Variants in TNKS observed in about 807,000 individuals in gnomAD.
The protein encoded by TNKS is poly [ADP-ribose] polymerase tankyrase-1.
A neutral mutation model predicts 135.8 loss-of-function variants in TNKS; 72 were observed. The ratio of observed to expected loss-of-function variants is 0.53; its 90% CI spans 0.44 to 0.64. TNKS has a LOEUF of 0.64. TNKS is among the 30% of genes least tolerant of loss of function. The probability of loss-of-function intolerance (pLI) is 0.00; values close to 1 mark genes in which losing one functional copy is unlikely to be tolerated. For synonymous variants in TNKS, 849 were observed against 649.3 expected (o/e 1.31, Z -4.68); for missense variants, 1,769 against 1,674.0 (o/e 1.06, Z -0.99).
At chr8:9,657,607 C>T (rs1313759541) in intron 3 of TNKS, among the ~76,000 whole-genome samples, 3 of 88,160 alleles carry the variant, frequency 3.4e-5, no homozygotes, top group Non-Finnish European at 7.3e-5. Flanking sequence ...GAGGGCTGAC[C>T]CCCCTACCTC....
chr8:9,733,221 G>T, intron 14 of TNKS, 58 bp from the exon 15 acceptor site: 1 of 1,476,332 alleles, frequency 6.8e-7, no homozygotes, highest in Non-Finnish European at 9.1e-7. Context: ...TTTATTATAA[G>T]AATCATTGTA....
chr8:9,615,013 TC>T (rs1203305311), intron 2 of TNKS, among the ~76,000 whole-genome samples: 1 of 152,188 alleles, frequency 6.6e-6, no homozygotes, highest in Non-Finnish European at 1.5e-5. Flanking sequence ...AAGAGGCAGT[TC>T]CTTTTTGCAG....
chr8:9,621,118 T>C (rs975981649), intron 3 of TNKS, among the ~76,000 whole-genome samples: 1 of 152,248 alleles, frequency 6.6e-6, no homozygotes, highest in Non-Finnish European at 1.5e-5. Flanking sequence ...TATAGTCCTA[T>C]ACATTTCTTA....
At chr8:9,687,620 A>G (rs887492916) in intron 5 of TNKS, among the ~76,000 whole-genome samples, 2 of 152,210 alleles carry the variant, frequency 1.3e-5, no homozygotes, top group Non-Finnish European at 2.9e-5. Flanking sequence ...AATTTTTAGT[A>G]GAAGGGGACC....
chr8:9,731,479 A>C lies in TNKS; in HGVS notation c.2147+444A>C, dbSNP rs1237019061. ...CCATCTCAAAAAAAAAAAAAAAAAA[A>C]AAAAACATAGAAATGTACAGTATAG... On this transcript the variant is annotated intron_variant, in intron 14 of 26. Transcript: ENST00000310430. Among the ~76,000 whole-genome samples, 3 of 150,402 alleles carry C rather than the reference A, an allele frequency of 2.0e-5. No individual in the cohort carries two copies. In the South Asian group the frequency reaches 6.2e-4, roughly 31 times the overall value.
chr8:9,730,441 C>G (rs954049771), intron 13 of TNKS, among the ~76,000 whole-genome samples: 3 of 152,104 alleles, frequency 2.0e-5, no homozygotes, highest in African/African-American at 4.8e-5. Context: ...AAATAATTCT[C>G]CAGACCCTTT....
At chr8:9,701,828 G>C (rs1043686654) in intron 5 of TNKS, among the ~76,000 whole-genome samples, 1 of 152,144 alleles carries the variant, frequency 6.6e-6, no homozygotes, top group Non-Finnish European at 1.5e-5. Flanking sequence ...AAGGCAGTGG[G>C]CCAGGAAAGG....
chr8:9,745,714 T>G (rs1356544553), intron 17 of TNKS, among the ~76,000 whole-genome samples: 2 of 152,100 alleles, frequency 1.3e-5, no homozygotes, highest in African/African-American at 4.8e-5. Flanking sequence ...CTATTTTTTG[T>G]TTTTGGGGGC....
chr8:9,605,277 T>C (rs1040999896), intron 2 of TNKS, among the ~76,000 whole-genome samples: 13 of 152,104 alleles, frequency 8.5e-5, no homozygotes, highest in Non-Finnish European at 1.6e-4. Flanking sequence ...GTCTGGCTTC[T>C]TTTGCTCATC....
intron 2 of TNKS, among the ~76,000 whole-genome samples, chr8:9,608,428 A>G (rs1799318016): frequency 6.6e-6 from 1 of 151,962 alleles, no homozygotes; most frequent in South Asian, 2.1e-4. Flanking sequence ...TGTGTTAACA[A>G]GGCGATTTTT....
chr8:9,764,950 C>G (rs960499147), intron 23 of TNKS, among the ~76,000 whole-genome samples, 160 bp downstream of exon 23: 6 of 152,232 alleles, frequency 3.9e-5, no homozygotes, highest in Non-Finnish European at 7.3e-5. Flanking sequence ...TACAATATCT[C>G]TAACTCCCCA....
chr8:9,765,139 A>G (rs553702276), intron 23 of TNKS, among the ~76,000 whole-genome samples: 1 of 152,344 alleles, frequency 6.6e-6, no homozygotes, highest in East Asian at 1.9e-4. Flanking sequence ...AAAGTCCTGG[A>G]TCTTCAATCT....
At chr8:9,649,485 T>A (rs10903316) in intron 3 of TNKS, among the ~76,000 whole-genome samples, 148,254 of 152,260 alleles carry the variant, frequency 0.97, 72,292 homozygotes, top group East Asian at 1. Context: ...TTTAATTTTT[T>A]TTTCAATTGT....
chr8:9,682,269 C>T (rs1428227100), intron 5 of TNKS, among the ~76,000 whole-genome samples: 2 of 152,104 alleles, frequency 1.3e-5, no homozygotes, highest in Non-Finnish European at 2.9e-5. Flanking sequence ...TGTTTTAATA[C>T]TACAGAACTT....
chr8:9,762,849 A>G (rs9657509), intron 21 of TNKS, among the ~76,000 whole-genome samples: 63,652 of 150,238 alleles, frequency 0.42, 13,970 homozygotes, highest in African/African-American at 0.52. Context: ...AGCTTGCAGT[A>G]AGCCGAGATC....
chr8:9,617,284 T>A (rs1799681780), intron 3 of TNKS, among the ~76,000 whole-genome samples: 1 of 152,214 alleles, frequency 6.6e-6, no homozygotes, highest in South Asian at 2.1e-4. Flanking sequence ...AGATATCACA[T>A]CTACTAAAAT....
intron 17 of TNKS, among the ~76,000 whole-genome samples, chr8:9,742,953 T>C (rs961488694): frequency 1.3e-5 from 2 of 152,120 alleles, no homozygotes; most frequent in South Asian, 2.1e-4. Flanking sequence ...TATTTGTAGA[T>C]TGATAAATCT....
At chr8:9,569,325 A>G (rs1797672922) in intron 1 of TNKS, among the ~76,000 whole-genome samples, 2 of 152,224 alleles carry the variant, frequency 1.3e-5, no homozygotes, top group Admixed American at 6.5e-5. Flanking sequence ...TACAAAGTGA[A>G]CACACCTGGG....
chr8:9,753,047 C>T (rs1806634857), intron 20 of TNKS, among the ~76,000 whole-genome samples: 1 of 151,904 alleles, frequency 6.6e-6, no homozygotes, highest in Non-Finnish European at 1.5e-5. Flanking sequence ...CTTAAACCCA[C>T]AACACATTTC....
Sources: allele counts gnomAD v4.1 joint callset (sites outside exome capture counted in the v4.1 genomes callset), GRCh38; gene constraint gnomAD v4.1.1; transcripts MANE v1.5; gene names NCBI Gene and HGNC (gene_info 2026-07-23, HGNC 2026-07-21).